INPP4B: variants seen among roughly 807,000 people sequenced by gnomAD.
INPP4B encodes inositol polyphosphate-4-phosphatase type II B.
Under a neutral mutation model 122.5 loss-of-function variants are expected in INPP4B, and 55 were observed. That is an observed-to-expected ratio of 0.45 (90% CI 0.36 to 0.56). The LOEUF is 0.56. Among genes scored for constraint, INPP4B ranks in the 20% least tolerant of loss-of-function variants. The probability of loss-of-function intolerance (pLI) is 0.00; values close to 1 mark genes in which losing one functional copy is unlikely to be tolerated. For missense variants in INPP4B, 1,000 were observed against 1,097.7 expected (o/e 0.91, Z 1.26); for synonymous variants, 403 against 388.7 (o/e 1.04, Z -0.43).
intron 3 of INPP4B, among the ~76,000 whole-genome samples, chr4:142,444,259 G>A (rs970310305): frequency 4.6e-5 from 7 of 152,090 alleles, no homozygotes; most frequent in Non-Finnish European, 8.8e-5. Flanking sequence ...ATTTTTGACA[G>A]TAGACCTTTG....
At chr4:142,349,161 A>T (rs925840715) in intron 7 of INPP4B, among the ~76,000 whole-genome samples, 1 of 152,032 alleles carries the variant, frequency 6.6e-6, no homozygotes, top group African/African-American at 2.4e-5. Flanking sequence ...ACTTGAGTCA[A>T]TTATCAGCAA....
intron 2 of INPP4B, among the ~76,000 whole-genome samples, chr4:142,552,676 T>C (rs956757239): frequency 6.6e-6 from 1 of 152,210 alleles, no homozygotes. Context: ...AAGTTAACAA[T>C]TGCTACCATT....
At chr4:142,042,085 A>G (rs1218322214) in intron 25 of INPP4B, among the ~76,000 whole-genome samples, 3 of 151,548 alleles carry the variant, frequency 2.0e-5, no homozygotes, top group Non-Finnish European at 4.4e-5. Flanking sequence ...ACCATTCAGC[A>G]AGATCTCCAC....
chr4:142,667,373 A>G (rs1379516721), intron 2 of INPP4B, among the ~76,000 whole-genome samples: 1 of 152,180 alleles, frequency 6.6e-6, no homozygotes, highest in Non-Finnish European at 1.5e-5. Context: ...TCTTGATGCT[A>G]GCAGAATATG....
At chr4:142,699,296 T>C (rs1048610907) in intron 2 of INPP4B, among the ~76,000 whole-genome samples, 1 of 152,204 alleles carries the variant, frequency 6.6e-6, no homozygotes, top group Admixed American at 6.5e-5. Flanking sequence ...CAACCACCTT[T>C]TCAATATACC....
chr4:142,261,618 T>C (rs1284491361), intron 10 of INPP4B, among the ~76,000 whole-genome samples: 1 of 152,150 alleles, frequency 6.6e-6, no homozygotes, highest in Non-Finnish European at 1.5e-5. Flanking sequence ...CAAGGCTCTA[T>C]CAGCCTTGCT....
At chr4:142,347,939 C>A (rs1046525569) in intron 7 of INPP4B, among the ~76,000 whole-genome samples, 4 of 151,922 alleles carry the variant, frequency 2.6e-5, no homozygotes, top group Non-Finnish European at 5.9e-5. Flanking sequence ...GATGAGGAAG[C>A]AATGAACTAT....
chr4:142,355,154 G>A (rs985888481), intron 7 of INPP4B, among the ~76,000 whole-genome samples: 5 of 151,970 alleles, frequency 3.3e-5, no homozygotes, highest in African/African-American at 9.7e-5. Context: ...ACTGCAAAGC[G>A]TCTTAAAATA....
At chr4:142,736,471 T>C (rs1043871849) in intron 1 of INPP4B, among the ~76,000 whole-genome samples, 17 of 152,114 alleles carry the variant, frequency 1.1e-4, no homozygotes, top group Non-Finnish European at 1.2e-4. Flanking sequence ...TCTTTTATTT[T>C]GTTGTGCAGT....
intron 2 of INPP4B, among the ~76,000 whole-genome samples, chr4:142,612,150 G>T (rs1742677780): frequency 6.6e-6 from 1 of 152,142 alleles, no homozygotes; most frequent in Admixed American, 6.5e-5. Flanking sequence ...GGAAGGAGAG[G>T]AGTGTTTGCT....
intron 1 of INPP4B, among the ~76,000 whole-genome samples, chr4:142,831,520 T>C (rs1199443615): frequency 1.3e-5 from 2 of 152,232 alleles, no homozygotes; most frequent in Non-Finnish European, 2.9e-5. Flanking sequence ...TGCAAATGTC[T>C]TCTACAAGGA....
intron 7 of INPP4B, among the ~76,000 whole-genome samples, chr4:142,386,078 T>G (rs1262892305): frequency 6.6e-6 from 1 of 152,156 alleles, no homozygotes; most frequent in Non-Finnish European, 1.5e-5. Context: ...TATCTTCTTC[T>G]CTATTTCTAT....
chr4:142,369,992 A>C lies in INPP4B; in HGVS notation c.372+32946T>G, dbSNP rs2148684683. 2.6e-5 allele frequency among the ~76,000 whole-genome samples: 4 copies of C among 152,190 alleles called. No individual in the cohort carries two copies. In the South Asian group the frequency reaches 8.3e-4, roughly 32 times the overall value. On this transcript the variant is annotated intron_variant, in intron 7 of 25. Transcript: ENST00000262992. ...GCCTCATTGCCTTAGATTAGGTCAC[A>C]TGCCTAGGGAACTTGTGATAGAACA...
intron 15 of INPP4B, among the ~76,000 whole-genome samples, chr4:142,186,670 C>T (rs776090946): frequency 2.7e-4 from 41 of 152,170 alleles, no homozygotes; most frequent in African/African-American, 9.9e-4. Context: ...CTATACAAGC[C>T]TCTTTATTCT....
At chr4:142,358,084 A>AT (rs372325649) in intron 7 of INPP4B, among the ~76,000 whole-genome samples, 33 of 152,168 alleles carry the variant, frequency 2.2e-4, no homozygotes, top group African/African-American at 7.7e-4. Context: ...GATTTTGTTC[A>AT]TATCAACTGC....
chr4:142,255,215 G>A (rs1174597876), intron 11 of INPP4B, among the ~76,000 whole-genome samples: 1 of 151,884 alleles, frequency 6.6e-6, no homozygotes, highest in Admixed American at 6.6e-5. Flanking sequence ...CGCTAAACAT[G>A]GAAAGGAACA....
chr4:142,663,351 T>C (rs896888639), intron 2 of INPP4B, among the ~76,000 whole-genome samples: 5 of 152,200 alleles, frequency 3.3e-5, no homozygotes, highest in African/African-American at 9.6e-5. Context: ...CAGGTCTGTA[T>C]ATTGAAGGAT....
intron 15 of INPP4B, among the ~76,000 whole-genome samples, chr4:142,178,306 A>G (rs972427507): frequency 6.6e-6 from 1 of 152,116 alleles, no homozygotes; most frequent in Admixed American, 6.5e-5. Context: ...CCACCCCAAC[A>G]TTTCTACCAC....
At chr4:142,646,643 G>C (rs566141643) in intron 2 of INPP4B, among the ~76,000 whole-genome samples, 1 of 152,298 alleles carries the variant, frequency 6.6e-6, no homozygotes, top group Admixed American at 6.5e-5. Context: ...TTTCACCAAT[G>C]AAAGCATAAA....
Sources: gnomAD v4.1 joint callset for allele counts (sites outside exome capture counted in the v4.1 genomes callset) on GRCh38, gnomAD v4.1.1 for gene constraint, MANE v1.5 for transcripts, NCBI Gene and HGNC (gene_info 2026-07-23, HGNC 2026-07-21) for gene names.